Variants in LRRTM4 observed in about 807,000 individuals in gnomAD.
LRRTM4 encodes the protein leucine rich repeat transmembrane neuronal 4, also known as leucine-rich repeat transmembrane neuronal protein 4.
LRRTM4 carries 25 observed loss-of-function variants against 47.6 expected under a neutral mutation model. That is an observed-to-expected ratio of 0.53 (90% CI 0.38 to 0.73). The LOEUF is 0.73. Among genes scored for constraint, LRRTM4 ranks in the 30% least tolerant of loss-of-function variants. LRRTM4 has a pLI of 0.00. For missense variants in LRRTM4, 638 were observed against 713.4 expected, an observed-to-expected ratio of 0.89 and a Z score of 1.20; for synonymous variants, 311 against 269.5, an observed-to-expected ratio of 1.15 and a Z score of -1.51.
intron 3 of LRRTM4, among the ~76,000 whole-genome samples, chr2:77,010,816 A>G (rs1677844146): frequency 6.6e-6 from 1 of 152,186 alleles, no homozygotes; most frequent in Admixed American, 6.6e-5. Context: ...GAATGAGATT[A>G]GTCAACTAAA....
intron 3 of LRRTM4, among the ~76,000 whole-genome samples, chr2:76,943,348 A>C (rs1675215808): frequency 6.6e-6 from 1 of 152,192 alleles, no homozygotes; most frequent in Non-Finnish European, 1.5e-5. Context: ...AGGCAGGAGA[A>C]TAGCGTGAAC....
chr2:77,227,579 C>T (rs55667099), intron 3 of LRRTM4, among the ~76,000 whole-genome samples: 16,438 of 151,792 alleles, frequency 0.11, 1,283 homozygotes, highest in East Asian at 0.34. Context: ...AAAAGTAGGT[C>T]AATTTAATTA....
chr2:77,168,140 T>G (rs963677622), intron 3 of LRRTM4, among the ~76,000 whole-genome samples: 2 of 152,120 alleles, frequency 1.3e-5, no homozygotes, highest in Non-Finnish European at 2.9e-5. Flanking sequence ...TGGAATCCGG[T>G]GATCTCTCTC....
At chr2:76,927,611 T>G in intron 3 of LRRTM4, among the ~76,000 whole-genome samples, 1 of 152,158 alleles carries the variant, frequency 6.6e-6, no homozygotes, top group Admixed American at 6.6e-5. Context: ...CTAATTTACT[T>G]GGGTTTCTGT....
chr2:77,108,059 CT>C (rs140494516), intron 3 of LRRTM4, among the ~76,000 whole-genome samples: 3,174 of 151,784 alleles, frequency 0.021, 37 homozygotes, highest in Non-Finnish European at 0.027. Flanking sequence ...ATATTAAACT[CT>C]GTGAAAAAAC....
At chr2:76,959,619 C>A (rs934997759) in intron 3 of LRRTM4, among the ~76,000 whole-genome samples, 1 of 151,578 alleles carries the variant, frequency 6.6e-6, no homozygotes, top group African/African-American at 2.4e-5. Flanking sequence ...AAGACTTACT[C>A]CTATTGGAAA....
chr2:77,501,907 TATC>T (rs1412757685), intron 3 of LRRTM4, among the ~76,000 whole-genome samples: 1 of 151,378 alleles, frequency 6.6e-6, no homozygotes, highest in African/African-American at 2.4e-5. Context: ...AACAATAAAA[TATC>T]ATTTGATCTC....
chr2:76,844,054 A>T (rs1671768197), intron 3 of LRRTM4, among the ~76,000 whole-genome samples: 1 of 151,160 alleles, frequency 6.6e-6, no homozygotes. Context: ...GGCGCCCACC[A>T]GCAAGCCCGG....
chr2:77,366,735 C>T (rs1235439694), intron 3 of LRRTM4, among the ~76,000 whole-genome samples: 2 of 151,826 alleles, frequency 1.3e-5, no homozygotes, highest in Non-Finnish European at 2.9e-5. Context: ...TTACCTCACA[C>T]ATTTACAATA....
chr2:77,086,435 T>TGTGTATGTGTGC (rs1680717181), intron 3 of LRRTM4, among the ~76,000 whole-genome samples: 1 of 152,086 alleles, frequency 6.6e-6, no homozygotes, highest in African/African-American at 2.4e-5. Context: ...TGTATGTGTG[T>TGTGTATGTGTGC]TTTCCTTTTA....
intron 3 of LRRTM4, among the ~76,000 whole-genome samples, chr2:77,362,759 C>T (rs1178063709): frequency 3.9e-5 from 6 of 152,028 alleles, no homozygotes; most frequent in East Asian, 3.9e-4. Flanking sequence ...ACTTTTTGTT[C>T]GTAAAAATCA....
At position 77,485,897 on chromosome 2, in the gene LRRTM4, AT is replaced by A. The variant is rs70956636; in HGVS notation, c.1551+32420del. Among the ~76,000 whole-genome samples, 320 of 148,086 alleles carry A rather than the reference AT, an allele frequency of 2.2e-3. 5 individuals carry two copies. The highest frequency in any genetic ancestry group is 6.3e-3 in the African/African-American group (255 of 40,346). ...AGGCATGCACCACCACAGTCGGCTA[AT>A]TTTTTTTTTTTGTATTTTTAGGGGA... On this transcript the variant is annotated intron_variant, in intron 3 of 3. Transcript: ENST00000409884.
At chr2:77,314,202 A>G (rs1486579395) in intron 3 of LRRTM4, among the ~76,000 whole-genome samples, 1 of 152,198 alleles carries the variant, frequency 6.6e-6, no homozygotes, top group African/African-American at 2.4e-5. Flanking sequence ...AAAAAGTTGC[A>G]GTAGATGGTG....
At chr2:76,988,691 T>G (rs1227071319) in intron 3 of LRRTM4, among the ~76,000 whole-genome samples, 1 of 151,810 alleles carries the variant, frequency 6.6e-6, no homozygotes, top group East Asian at 1.9e-4. Flanking sequence ...TTAAAAATTC[T>G]TATTAAATAT....
At chr2:76,895,151 AT>A (rs945594951) in intron 3 of LRRTM4, among the ~76,000 whole-genome samples, 3 of 151,992 alleles carry the variant, frequency 2.0e-5, no homozygotes, top group Non-Finnish European at 2.9e-5. Flanking sequence ...CTGCATTTGC[AT>A]TTCTATTTGT....
chr2:76,792,075 G>T (rs1004336208), intron 3 of LRRTM4, among the ~76,000 whole-genome samples: 1 of 152,070 alleles, frequency 6.6e-6, no homozygotes, highest in African/African-American at 2.4e-5. Context: ...CTGGAGGCAG[G>T]CAGAATACTT....
intron 3 of LRRTM4, among the ~76,000 whole-genome samples, chr2:77,386,438 G>A (rs1673277081): frequency 6.6e-6 from 1 of 152,132 alleles, no homozygotes; most frequent in African/African-American, 2.4e-5. Flanking sequence ...TCCCTGCAAA[G>A]GACATAAACT....
chr2:77,000,012 T>C (rs1425388568), intron 3 of LRRTM4, among the ~76,000 whole-genome samples: 1 of 152,086 alleles, frequency 6.6e-6, no homozygotes. Flanking sequence ...AGCTGTACAA[T>C]AGACTGTTCT....
At chr2:77,291,165 A>G (rs1249811221) in intron 3 of LRRTM4, among the ~76,000 whole-genome samples, 3 of 152,070 alleles carry the variant, frequency 2.0e-5, no homozygotes, top group Admixed American at 6.6e-5. Flanking sequence ...TGAGAGATGG[A>G]AATAAACTAT....
Sources: gnomAD v4.1 joint callset for allele counts (sites outside exome capture counted in the v4.1 genomes callset) on GRCh38, gnomAD v4.1.1 for gene constraint, MANE v1.5 for transcripts, NCBI Gene and HGNC (gene_info 2026-07-23, HGNC 2026-07-21) for gene names.